Variants in TENM3 observed in about 807,000 individuals in gnomAD.
The protein encoded by TENM3 is teneurin-3.
Under a neutral mutation model 255.1 loss-of-function variants are expected in TENM3, and 63 were observed. The observed-to-expected ratio is 0.25, with a 90% confidence interval of 0.20 to 0.30. The LOEUF (loss-of-function observed/expected upper bound fraction) is 0.30. Among genes scored for constraint, TENM3 ranks in the 10% least tolerant of loss-of-function variants. The pLI is 1.00. For synonymous variants in TENM3, 1,306 were observed against 1,322.3 expected (o/e 0.99, Z 0.27); for missense variants, 2,929 against 3,461.1 (o/e 0.85, Z 3.86).
At chr4:182,071,640 T>G in the TENM3 span, among the ~76,000 whole-genome samples, 6 of 152,222 alleles carry the variant, frequency 3.9e-5, no homozygotes, top group Admixed American at 3.9e-4. Flanking sequence ...GGGGTACATG[T>G]GATAATCTGA....
At chr4:182,016,649 G>A in the TENM3 span, among the ~76,000 whole-genome samples, 1 of 152,120 alleles carries the variant, frequency 6.6e-6, no homozygotes, top group South Asian at 2.1e-4. Flanking sequence ...GCTTGCCAGA[G>A]CATTGGAAAT....
chr4:182,074,359 T>C, the TENM3 span, among the ~76,000 whole-genome samples: 1 of 152,116 alleles, frequency 6.6e-6, no homozygotes, highest in Non-Finnish European at 1.5e-5. Flanking sequence ...ATAGATGAAC[T>C]GTCATTTTAT....
chr4:182,336,723 C>G (rs182331127), intron 2 of TENM3, among the ~76,000 whole-genome samples: 1 of 152,240 alleles, frequency 6.6e-6, no homozygotes, highest in African/African-American at 2.4e-5. Context: ...AAGAACATAG[C>G]ATTGTGCTTT....
At chr4:182,370,356 G>A (rs749690505) in intron 3 of TENM3, among the ~76,000 whole-genome samples, 2 of 152,072 alleles carry the variant, frequency 1.3e-5, no homozygotes, top group Non-Finnish European at 1.5e-5. Context: ...ATACCCTATC[G>A]CCTACAGAGC....
At chr4:181,601,863 C>T in the TENM3 span, among the ~76,000 whole-genome samples, 1 of 152,074 alleles carries the variant, frequency 6.6e-6, no homozygotes, top group African/African-American at 2.4e-5. Flanking sequence ...GGACATGAAT[C>T]AGTCCATAAC....
chr4:182,747,082 T>G (rs541571685), intron 19 of TENM3, among the ~76,000 whole-genome samples: 7 of 152,148 alleles, frequency 4.6e-5, no homozygotes, highest in Non-Finnish European at 1.0e-4. Context: ...CTCGCTTTCT[T>G]GGGCAGCATG....
chr4:182,392,299 G>A (rs779140945), intron 3 of TENM3, among the ~76,000 whole-genome samples: 5 of 152,108 alleles, frequency 3.3e-5, no homozygotes, highest in Non-Finnish European at 5.9e-5. Flanking sequence ...AGGGAAAACC[G>A]AAATCTGTTG....
the TENM3 span, among the ~76,000 whole-genome samples, chr4:182,028,874 C>T: frequency 6.6e-6 from 1 of 151,672 alleles, no homozygotes; most frequent in Non-Finnish European, 1.5e-5. Context: ...TGTGGTCTAT[C>T]CATGAGAAAG....
intron 3 of TENM3, among the ~76,000 whole-genome samples, chr4:182,522,911 A>G (rs1738736012): frequency 6.6e-6 from 1 of 152,136 alleles, no homozygotes; most frequent in Admixed American, 6.6e-5. Context: ...TTACATTCCT[A>G]CCAACAGTGT....
chr4:181,843,726 T>C, the TENM3 span, among the ~76,000 whole-genome samples: 3 of 147,776 alleles, frequency 2.0e-5, no homozygotes, highest in East Asian at 4.0e-4. Flanking sequence ...CTTTTTTTTT[T>C]TTTTTTTTTT....
At chr4:181,573,257 A>G in the TENM3 span, among the ~76,000 whole-genome samples, 9 of 152,182 alleles carry the variant, frequency 5.9e-5, no homozygotes, top group African/African-American at 2.2e-4. Flanking sequence ...GTATGTACCT[A>G]GCACTGGGAT....
intron 3 of TENM3, among the ~76,000 whole-genome samples, chr4:182,350,723 C>T (rs187905724): frequency 2.6e-4 from 39 of 152,276 alleles, no homozygotes; most frequent in Non-Finnish European, 3.4e-4. Context: ...CTTGCTCTGT[C>T]GCCCAGGCTG....
chr4:182,729,286 T>G, intron 14 of TENM3, 105 bp downstream of exon 14: 1 of 966,060 alleles, frequency 1.0e-6, no homozygotes, highest in Non-Finnish European at 1.5e-6. Context: ...GTGCTGTTTT[T>G]TAAATACAGT....
rs759957889 is a variant in TENM3 at position 182,755,216 on chromosome 4, T to G, written c.4849T>G (p.Leu1617Val). 2 of 1,610,176 alleles carry G rather than the reference T, an allele frequency of 1.2e-6. No individual in the cohort carries two copies. Among genetic ancestry groups the G allele is most frequent in the East Asian group, 4.5e-5 (2 of 44,894 alleles). Reference protein sequence around the residue: ...LFTYHGNSGLLATKSDETGWT... With the variant: ...LFTYHGNSGLVATKSDETGWT... ...TACTTACCATGGCAATAGTGGCCTT[T>G]TAGCCACTAAAAGTGATGAAACTGG... The change falls in exon 22 of 28, where the codon TTA (leucine) becomes GTA (valine). Residue 1617 changes from leucine to valine, a missense_variant. Physicochemically the swap from Leu to Val is conservative, Grantham distance 32. This residue lies in a region of TENM3 where 1,608 missense variants were observed against 1,884.4 expected (regional missense o/e 0.85). Coordinates refer to ENST00000511685, the MANE Select transcript of TENM3 (RefSeq NM_001080477.4).
At chr4:182,048,854 G>A in the TENM3 span, among the ~76,000 whole-genome samples, 5 of 152,166 alleles carry the variant, frequency 3.3e-5, no homozygotes, top group South Asian at 2.1e-4. Context: ...TATTATTCCT[G>A]AACACTTAAG....
At chr4:182,054,127 T>A in the TENM3 span, among the ~76,000 whole-genome samples, 1 of 152,158 alleles carries the variant, frequency 6.6e-6, no homozygotes, top group African/African-American at 2.4e-5. Context: ...CTCATTTACA[T>A]CTTCCATGTG....
At chr4:182,517,509 G>A (rs941618640) in intron 3 of TENM3, among the ~76,000 whole-genome samples, 2 of 143,772 alleles carry the variant, frequency 1.4e-5, no homozygotes, top group South Asian at 2.2e-4. Context: ...TCAGCCTCCC[G>A]AGTAGCTGGG....
chr4:182,204,456 A>C (rs1754414747), intron 1 of TENM3, among the ~76,000 whole-genome samples: 1 of 152,206 alleles, frequency 6.6e-6, no homozygotes, highest in Non-Finnish European at 1.5e-5. Flanking sequence ...GTTTATTTTG[A>C]AAATACCCTT....
chr4:181,978,596 G>A, the TENM3 span, among the ~76,000 whole-genome samples: 4 of 148,884 alleles, frequency 2.7e-5, no homozygotes, highest in Non-Finnish European at 3.0e-5. Flanking sequence ...GCAGTAAGCC[G>A]AGATGGTGCC....
Sources: allele counts gnomAD v4.1 joint callset (sites outside exome capture counted in the v4.1 genomes callset), GRCh38; gene constraint gnomAD v4.1.1; regional missense constraint gnomAD v4.1.1; transcripts MANE v1.5; gene names NCBI Gene and HGNC (gene_info 2026-07-23, HGNC 2026-07-21).